Variants in THSD7B observed in about 807,000 individuals in gnomAD.
THSD7B encodes thrombospondin type-1 domain-containing protein 7B.
THSD7B carries 138 observed loss-of-function variants against 213.6 expected under a neutral mutation model. That is an observed-to-expected ratio of 0.65 (90% CI 0.56 to 0.74). THSD7B has a LOEUF of 0.74. THSD7B is among the 30% of genes least tolerant of loss of function. THSD7B has a pLI of 0.00. For synonymous variants in THSD7B, 742 were observed against 687.0 expected (o/e 1.08, Z -1.25); for missense variants, 1,931 against 1,991.5 (o/e 0.97, Z 0.58).
intron 12 of THSD7B, among the ~76,000 whole-genome samples, chr2:137,298,708 G>A (rs995707983): frequency 2.6e-5 from 4 of 152,194 alleles, no homozygotes; most frequent in Admixed American, 2.6e-4. Flanking sequence ...AGCTCAGGCT[G>A]TGCCTTCAGA....
intron 7 of THSD7B, 30 bp from the exon 8 acceptor site, chr2:137,231,014 C>A (rs1681626701): frequency 1.2e-6 from 2 of 1,600,106 alleles, no homozygotes; most frequent in Non-Finnish European, 1.7e-6. Context: ...GTGCATTAAT[C>A]ACCAACTGTC....
At chr2:137,111,550 A>G (rs1688346202) in intron 4 of THSD7B, among the ~76,000 whole-genome samples, 1 of 152,106 alleles carries the variant, frequency 6.6e-6, no homozygotes, top group Non-Finnish European at 1.5e-5. Context: ...GTAAAAGGAG[A>G]AATAAGATTT....
chr2:137,671,198 G>T (rs1374034929), intron 27 of THSD7B, among the ~76,000 whole-genome samples: 1 of 149,146 alleles, frequency 6.7e-6, no homozygotes, highest in African/African-American at 2.5e-5. Flanking sequence ...TAGGGAGATG[G>T]CCATTTTATT....
intron 17 of THSD7B, among the ~76,000 whole-genome samples, chr2:137,579,216 T>C (rs1681524514): frequency 6.6e-6 from 1 of 152,110 alleles, no homozygotes; most frequent in South Asian, 2.1e-4. Context: ...TTTTCCCAAA[T>C]AATGAAGTTC....
At chr2:137,397,070 G>A (rs1686211413) in intron 12 of THSD7B, among the ~76,000 whole-genome samples, 1 of 147,166 alleles carries the variant, frequency 6.8e-6, no homozygotes, top group African/African-American at 2.5e-5. Context: ...CTGCACGTGA[G>A]ATGGGTTTCC....
intron 15 of THSD7B, among the ~76,000 whole-genome samples, chr2:137,526,419 G>GT (rs771903517): frequency 2.0e-5 from 3 of 148,660 alleles, no homozygotes; most frequent in Admixed American, 6.6e-5. Context: ...TGTTGTTGTT[G>GT]TTGTTTGTTT....
chr2:137,137,933 C>T (rs1032565990), intron 5 of THSD7B, among the ~76,000 whole-genome samples: 6 of 151,966 alleles, frequency 3.9e-5, no homozygotes, highest in Non-Finnish European at 7.4e-5. Flanking sequence ...GGGTCTCACT[C>T]TGTTGCTCAG....
intron 12 of THSD7B, among the ~76,000 whole-genome samples, chr2:137,372,353 AT>A (rs1685551800): frequency 2.1e-5 from 1 of 47,274 alleles, no homozygotes; most frequent in African/African-American, 5.2e-5. Context: ...TTTTTTTTTA[AT>A]ATTTAAAGAG....
At chr2:137,445,213 A>T (rs1687511700) in intron 14 of THSD7B, among the ~76,000 whole-genome samples, 1 of 152,076 alleles carries the variant, frequency 6.6e-6, no homozygotes, top group African/African-American at 2.4e-5. Flanking sequence ...TTCTCAAAAG[A>T]CTAAAAATAG....
chr2:136,894,293 T>C (rs1056921573), intron 2 of THSD7B, among the ~76,000 whole-genome samples: 1 of 152,238 alleles, frequency 6.6e-6, no homozygotes, highest in Non-Finnish European at 1.5e-5. Context: ...TTCAGCTTAA[T>C]TACTTGGCTT....
chr2:137,660,629 C>A lies in THSD7B; in HGVS notation c.4458+883C>A, dbSNP rs78907760. 2.6e-5 allele frequency among the ~76,000 whole-genome samples: 4 copies of A among 152,266 alleles called. No individual in the cohort carries two copies. The South Asian group carries it at 8.3e-4, about 32-fold the overall frequency. ...TTTTCACCAACTCTCTGGATGTCCTCTTTAATTAAACAGAAAATACTTTTT... is the reference window on the plus strand; with the variant it reads ...TTTTCACCAACTCTCTGGATGTCCTATTTAATTAAACAGAAAATACTTTTT... On this transcript the variant is annotated intron_variant, in intron 25 of 27. Transcript: ENST00000409968.
intron 14 of THSD7B, among the ~76,000 whole-genome samples, chr2:137,428,287 C>A (rs1395993695): frequency 6.6e-6 from 1 of 151,982 alleles, no homozygotes; most frequent in Non-Finnish European, 1.5e-5. Context: ...TGGCTGTAAT[C>A]AAAAAGATGA....
chr2:137,113,639 G>C (rs1688393390), intron 4 of THSD7B, among the ~76,000 whole-genome samples: 1 of 152,018 alleles, frequency 6.6e-6, no homozygotes, highest in South Asian at 2.1e-4. Flanking sequence ...GTTTCTCCAT[G>C]TTGGCCAGGC....
chr2:137,214,659 A>C (rs1048575201), intron 7 of THSD7B, among the ~76,000 whole-genome samples: 1 of 142,530 alleles, frequency 7.0e-6, no homozygotes, highest in Non-Finnish European at 1.5e-5. Flanking sequence ...TTCAACTCCC[A>C]CTTACGAGTG....
chr2:136,825,372 C>A (rs544336399), intron 1 of THSD7B, among the ~76,000 whole-genome samples: 1 of 152,280 alleles, frequency 6.6e-6, no homozygotes, highest in Admixed American at 6.5e-5. Flanking sequence ...GTGTTCCTTT[C>A]TGGAGCTTTC....
chr2:137,512,098 G>C (rs530076551), intron 15 of THSD7B: 1 of 152,026 alleles, frequency 6.6e-6, no homozygotes, highest in Non-Finnish European at 1.5e-5. Context: ...TAATTATTTT[G>C]AATAATTTTG....
At chr2:137,517,282 A>G (rs1028322963) in intron 15 of THSD7B, among the ~76,000 whole-genome samples, 4 of 152,230 alleles carry the variant, frequency 2.6e-5, no homozygotes, top group Non-Finnish European at 1.5e-5. Flanking sequence ...AAGATATCAC[A>G]CTGGTCCATT....
At chr2:137,118,888 C>A (rs566009049) in intron 5 of THSD7B, among the ~76,000 whole-genome samples, 1 of 152,104 alleles carries the variant, frequency 6.6e-6, no homozygotes, top group South Asian at 2.1e-4. Context: ...ACATGTTTTA[C>A]GTGGCAGCAG....
At chr2:136,890,455 TTC>T (rs1234586439) in intron 2 of THSD7B, among the ~76,000 whole-genome samples, 43 of 894 alleles carry the variant, frequency 0.048, 20 homozygotes, top group Non-Finnish European at 0.36. Context: ...CTTCTTCTTC[TTC>T]TTCTCCTTTC....
Sources: allele counts gnomAD v4.1 joint callset (sites outside exome capture counted in the v4.1 genomes callset), GRCh38; gene constraint gnomAD v4.1.1; transcripts MANE v1.5; gene names NCBI Gene and HGNC (gene_info 2026-07-23, HGNC 2026-07-21).